Variants in GKAP1 observed in about 807,000 individuals in gnomAD.
The protein encoded by GKAP1 is G kinase anchoring protein 1, also known as G kinase-anchoring protein 1.
Under a neutral mutation model 56.7 loss-of-function variants are expected in GKAP1, and 31 were observed. The observed-to-expected ratio is 0.55, with a 90% CI of 0.41 to 0.74. GKAP1 has a LOEUF of 0.74. GKAP1 is among the 30% of genes least tolerant of loss of function. The pLI is 0.00. For synonymous variants in GKAP1, 151 were observed against 138.6 expected (o/e 1.09, Z -0.63); for missense variants, 364 against 402.3 (o/e 0.90, Z 0.82).
rs1047838036 is a variant in GKAP1, at chr9:83,742,588, G to C, written c.917C>G (p.Ala306Gly). ...TTCATCAACTTGCAGAAGTATTTCT[G>C]CCTTATCTTTCACTGACAAAAAAGG... ...MLQEGEMKDK[A>G]EILLQVDESQ... Residue 306 changes from alanine (A) to glycine (G), a missense_variant, in exon 11 of 13, where the codon GCA (alanine) becomes GGA (glycine). Ala to Gly is a moderately conservative substitution (Grantham distance 60). Transcript: ENST00000376371. The C allele has an allele frequency of 6.2e-7, 1 of 1,611,178 alleles. No homozygotes were observed. Among genetic ancestry groups the C allele is most frequent in the Non-Finnish European group, 8.5e-7 (1 of 1,178,812 alleles).
intron 2 of GKAP1, among the ~76,000 whole-genome samples, chr9:83,808,291 T>C (rs867423371): frequency 6.6e-6 from 1 of 152,168 alleles, no homozygotes; most frequent in African/African-American, 2.4e-5. Flanking sequence ...AACCTCAACA[T>C]ATCTTATTAA....
intron 9 of GKAP1, chr9:83,749,226 C>CAT (rs1411093231): frequency 1.5e-5 from 2 of 135,122 alleles, no homozygotes; most frequent in Non-Finnish European, 3.2e-5. Context: ...TATTTATTTA[C>CAT]TTTTTTTTTT....
chr9:83,799,175 T>G lies in GKAP1; in HGVS notation c.360+10A>C. ...TGAAAAACAAAGCAATTTTATTTAC[T>G]TAGTTGTACCTGCTCATCTCTTTGT... On this transcript the variant is annotated intron_variant, in intron 4 of 12. Transcript: ENST00000376371. 6.2e-7 allele frequency: 1 copy of G among 1,611,652 alleles called. No individual in the cohort carries two copies. The highest frequency in any genetic ancestry group is 8.5e-7 in the Non-Finnish European group (1 of 1,178,640).
chr9:83,780,436 T>C (rs1185783839), intron 6 of GKAP1, 32 bp from the exon 7 acceptor site: 2 of 1,095,158 alleles, frequency 1.8e-6, no homozygotes, highest in Non-Finnish European at 2.6e-6. Flanking sequence ...AGATGAAACT[T>C]TATTGAAGGA....
chr9:83,775,705 G>A (rs1326367301), intron 7 of GKAP1, among the ~76,000 whole-genome samples: 3 of 151,296 alleles, frequency 2.0e-5, no homozygotes, highest in Admixed American at 6.6e-5. Flanking sequence ...GTGAAACCCC[G>A]TCTCTAATAA....
rs180760209 is a variant in GKAP1 at position 83,759,941 on chromosome 9, T to C, written c.739-6582A>G. On this transcript the variant is annotated intron_variant, in intron 8 of 12. Coordinates refer to ENST00000376371, the MANE Select transcript of GKAP1 (RefSeq NM_025211.4). ...AGCCTTTAAATTTGCCACAGTCTTT[T>C]CCAACTTAACTTTTCAAATTTATAT... Among the ~76,000 whole-genome samples, 183 of 152,358 alleles carry C rather than the reference T, an allele frequency of 1.2e-3. 1 individual carries two copies. Among genetic ancestry groups the C allele is most frequent in the Non-Finnish European group, 5.9e-4 (40 of 68,026 alleles).
Position 83,779,448 on chromosome 9 carries a change from T to TACACACACACACAC in GKAP1, c.585+920_585+933dup, listed in dbSNP as rs368970118. Among the ~76,000 whole-genome samples, 646 of 119,596 alleles carry TACACACACACACAC rather than the reference T, an allele frequency of 5.4e-3. 10 individuals are homozygous for TACACACACACACAC. Among genetic ancestry groups the TACACACACACACAC allele is most frequent in the Middle Eastern group, 8.8e-3 (2 of 226 alleles). The allele number at this position is 119,596 out of a possible 152,430, so 78.5% of individuals were successfully genotyped here. A position where few individuals can be genotyped will look rare whatever the true frequency, so the allele number is the denominator to read the frequency against. The stretch of plus-strand genomic sequence containing the variant: ...AGCCATATATATATATATATATATA[T>TACACACACACACAC]ACACACACACACACACGCACATATA... On this transcript the variant is annotated intron_variant, in intron 7 of 12. Coordinates refer to ENST00000376371, the MANE Select transcript of GKAP1 (RefSeq NM_025211.4).
intron 8 of GKAP1, among the ~76,000 whole-genome samples, chr9:83,755,492 GAAT>G (rs1243167166): frequency 6.6e-6 from 1 of 151,854 alleles, no homozygotes; most frequent in Non-Finnish European, 1.5e-5. Context: ...AATAATCATG[GAAT>G]AATACTGTTT....
intron 8 of GKAP1, among the ~76,000 whole-genome samples, chr9:83,762,318 C>A (rs564311720): frequency 6.6e-6 from 1 of 151,670 alleles, no homozygotes; most frequent in Admixed American, 6.6e-5. Context: ...TTACAATAGC[C>A]ATAAATAAAA....
At chr9:83,793,965 A>G (rs1422740874) in intron 4 of GKAP1, among the ~76,000 whole-genome samples, 1 of 152,078 alleles carries the variant, frequency 6.6e-6, no homozygotes, top group African/African-American at 2.4e-5. Flanking sequence ...CCAGGAGTTC[A>G]AGACCAGCCT....
chr9:83,774,146 C>T (rs573025774), intron 7 of GKAP1, among the ~76,000 whole-genome samples: 2 of 151,922 alleles, frequency 1.3e-5, no homozygotes, highest in African/African-American at 4.8e-5. Context: ...GCTGGGATTA[C>T]AGGCGTGAGC....
intron 4 of GKAP1, among the ~76,000 whole-genome samples, chr9:83,794,259 AAAGCC>A (rs1944208313): frequency 6.6e-6 from 1 of 152,246 alleles, no homozygotes; most frequent in African/African-American, 2.4e-5. Flanking sequence ...ACTTTCAAAC[AAAGCC>A]AAGGGACCTG....
chr9:83,814,451 GTTA>G (rs1194029044), intron 2 of GKAP1, among the ~76,000 whole-genome samples: 14 of 152,124 alleles, frequency 9.2e-5, no homozygotes, highest in Non-Finnish European at 2.1e-4. Context: ...TGTTCCTGAA[GTTA>G]AACATTCCCT....
Position 83,742,602 on chromosome 9 carries a change from T to C in GKAP1, c.905-2A>G. On this transcript the variant is annotated splice_acceptor_variant, in intron 10 of 12. Transcript: ENST00000376371. LOFTEE classifies it high-confidence loss of function. ...GAAGTATTTCTGCCTTATCTTTCAC[T>C]GACAAAAAAGGAAAAACAGCAGTAT... 6.2e-7 allele frequency: 1 copy of C among 1,608,634 alleles called. No homozygotes were observed. The highest frequency in any genetic ancestry group is 8.5e-7 in the Non-Finnish European group (1 of 1,177,272).
At chr9:83,756,258 C>T (rs1943473133) in intron 8 of GKAP1, among the ~76,000 whole-genome samples, 1 of 151,666 alleles carries the variant, frequency 6.6e-6, no homozygotes, top group Admixed American at 6.6e-5. Flanking sequence ...GAGCAGATCA[C>T]CAGAGGTCGG....
intron 2 of GKAP1, among the ~76,000 whole-genome samples, chr9:83,809,235 AG>A (rs1944476806): frequency 1.3e-5 from 2 of 152,210 alleles, no homozygotes; most frequent in Non-Finnish European, 2.9e-5. Context: ...CTGTAGCATA[AG>A]GCAGAGCTAT....
chr9:83,796,252 C>T (rs970170127), intron 4 of GKAP1, among the ~76,000 whole-genome samples: 1 of 151,866 alleles, frequency 6.6e-6, no homozygotes, highest in African/African-American at 2.4e-5. Context: ...ATCTCTAATA[C>T]CTGTGTCTCT....
At chr9:83,779,351 T>C (rs72749105) in intron 7 of GKAP1, among the ~76,000 whole-genome samples, 77,370 of 149,718 alleles carry the variant, frequency 0.52, 21,737 homozygotes, top group Admixed American at 0.68. Flanking sequence ...AGATGTGATT[T>C]TTTTTAAGAG....
intron 8 of GKAP1, among the ~76,000 whole-genome samples, chr9:83,756,472 A>G (rs1460091796): frequency 2.8e-4 from 3 of 10,614 alleles, no homozygotes; most frequent in African/African-American, 4.8e-4. Context: ...CTCCATCTCA[A>G]AAAAAAAAAA....
Sources: gnomAD v4.1 joint callset for allele counts (sites outside exome capture counted in the v4.1 genomes callset) on GRCh38, gnomAD v4.1.1 for gene constraint, MANE v1.5 for transcripts, NCBI Gene and HGNC (gene_info 2026-07-23, HGNC 2026-07-21) for gene names.